The following CRTAC1 variants were observed in gnomAD, a reference collection of about 807,000 sequenced individuals.
The protein encoded by CRTAC1 is cartilage acidic protein 1, also known as acidic secreted protein in cartilage.
A neutral mutation model predicts 67.8 loss-of-function variants in CRTAC1; 37 were observed. The observed-to-expected ratio is 0.55, with a 90% CI of 0.42 to 0.72. The LOEUF is 0.72. CRTAC1 is among the 30% of genes least tolerant of loss of function. CRTAC1 has a pLI of 0.00. For synonymous variants in CRTAC1, 348 were observed against 371.0 expected (o/e 0.94, Z 0.71); for missense variants, 780 against 931.6 (o/e 0.84, Z 2.12).
At chr10:98,009,519 AG>A (rs1434181464) in intron 2 of CRTAC1, among the ~76,000 whole-genome samples, 2 of 152,240 alleles carry the variant, frequency 1.3e-5, no homozygotes, top group African/African-American at 4.8e-5. Context: ...GCAGGCCAGT[AG>A]ATTTCAATAT....
intron 2 of CRTAC1, among the ~76,000 whole-genome samples, chr10:97,969,886 T>C (rs1353933377): frequency 6.6e-6 from 1 of 152,104 alleles, no homozygotes; most frequent in Non-Finnish European, 1.5e-5. Context: ...GGGCTTTAAA[T>C]ACCATCTACC....
At chr10:97,904,920 T>C (rs2050590546) in intron 6 of CRTAC1, 106 bp from the exon 7 acceptor site, 6 of 1,332,888 alleles carry the variant, frequency 4.5e-6, no homozygotes, top group Non-Finnish European at 5.9e-6. Context: ...GTGACTCTCA[T>C]CTTGTTCCCG....
At chr10:97,994,825 G>A (rs1218235786) in intron 2 of CRTAC1, among the ~76,000 whole-genome samples, 1 of 152,216 alleles carries the variant, frequency 6.6e-6, no homozygotes, top group African/African-American at 2.4e-5. Context: ...TCCAGAGGAG[G>A]AGTATTCTTC....
Position 97,923,252 on chromosome 10 carries a change from C to T in CRTAC1, c.558+12G>A. On this transcript the variant is annotated intron_variant, in intron 4 of 14. Transcript: ENST00000370597. ...GGCTTCTCCCCAGGACCCCATGTGC[C>T]CCTGCACTCACCTTTCTGTCCACAC... 1 of 1,613,916 alleles carries T rather than the reference C, an allele frequency of 6.2e-7. No homozygotes were observed. The highest frequency in any genetic ancestry group is 8.5e-7 in the Non-Finnish European group (1 of 1,180,014).
At chr10:98,028,810 GGCTGAA>G (rs1843295260) in intron 1 of CRTAC1, among the ~76,000 whole-genome samples, 1 of 152,182 alleles carries the variant, frequency 6.6e-6, no homozygotes, top group African/African-American at 2.4e-5. Context: ...AATATCTCCA[GGCTGAA>G]GCAGGTACCC....
intron 7 of CRTAC1, among the ~76,000 whole-genome samples, chr10:97,902,845 G>T (rs986761728): frequency 4.0e-5 from 6 of 151,626 alleles, no homozygotes; most frequent in Non-Finnish European, 7.4e-5. Context: ...AGGGAAAGAG[G>T]CTGTCTCCAT....
intron 2 of CRTAC1, among the ~76,000 whole-genome samples, chr10:97,957,605 G>A (rs2051460503): frequency 1.3e-5 from 2 of 152,150 alleles, no homozygotes; most frequent in African/African-American, 2.4e-5. Flanking sequence ...CAGGCCCCAT[G>A]GGATCCTAGA....
intron 5 of CRTAC1, among the ~76,000 whole-genome samples, chr10:97,912,313 C>T (rs1393082708): frequency 6.6e-6 from 1 of 152,178 alleles, no homozygotes; most frequent in Non-Finnish European, 1.5e-5. Flanking sequence ...GTGACTGCTC[C>T]TCCCTGCCCA....
rs1259799507 is a variant in CRTAC1, at chr10:97,894,747, T to C, written c.1486+498A>G. ...ATATATATATATATATATATATATA[T>C]ATATATATATATATATATGATAGGA... On this transcript the variant is annotated intron_variant, in intron 11 of 14. Transcript: ENST00000370597. Among the ~76,000 whole-genome samples the C allele has an allele frequency of 5.5e-4, 30 of 54,552 alleles. 1 individual carries two copies. Among genetic ancestry groups the C allele is most frequent in the African/African-American group, 1.0e-3 (14 of 13,418 alleles). 35.8% of individuals were successfully genotyped at this position (54,552 alleles called of 152,430 possible).
intron 5 of CRTAC1, among the ~76,000 whole-genome samples, chr10:97,914,729 C>T (rs1259646498): frequency 6.6e-6 from 1 of 152,150 alleles, no homozygotes; most frequent in South Asian, 2.1e-4. Context: ...TTGGCCATGT[C>T]CAGAACCCAG....
intron 11 of CRTAC1, among the ~76,000 whole-genome samples, chr10:97,891,208 T>C (rs2050367240): frequency 6.6e-6 from 1 of 152,212 alleles, no homozygotes; most frequent in Admixed American, 6.5e-5. Flanking sequence ...TTCCAAACAG[T>C]GGTGAAATGA....
At chr10:97,955,911 G>A (rs2136637388) in intron 2 of CRTAC1, among the ~76,000 whole-genome samples, 1 of 152,308 alleles carries the variant, frequency 6.6e-6, no homozygotes, top group South Asian at 2.1e-4. Context: ...AGGGAGCTGT[G>A]GGGCTTTCTT....
intron 11 of CRTAC1, among the ~76,000 whole-genome samples, chr10:97,890,205 C>G (rs12248174): frequency 6.6e-6 from 1 of 152,112 alleles, no homozygotes; most frequent in African/African-American, 2.4e-5. Context: ...CAGCCTCAAA[C>G]TCCTGGCCTT....
chr10:97,903,437 G>C (rs2136568381), intron 7 of CRTAC1, among the ~76,000 whole-genome samples: 2 of 151,908 alleles, frequency 1.3e-5, no homozygotes, highest in East Asian at 3.9e-4. Context: ...AGGACGAGCT[G>C]TCCTGGGCTC....
chr10:97,895,474 G>A lies in CRTAC1; in HGVS notation c.1318-61C>T. 3 of 1,450,244 alleles carry A rather than the reference G, an allele frequency of 2.1e-6. No homozygotes were observed. Among genetic ancestry groups the A allele is most frequent in the Non-Finnish European group, 2.8e-6 (3 of 1,076,824 alleles). The allele number at this position is 1,450,244 out of a possible 1,614,324, so 89.8% of individuals were successfully genotyped here. A position where few individuals can be genotyped will look rare whatever the true frequency, so the allele number is the denominator to read the frequency against. The stretch of plus-strand genomic sequence containing the variant: ...ATCAGCATGGTGGGTGGGAAGAGCA[G>A]GGAGCCAGGGAGGACGGGAGGGGGA... On this transcript the variant is annotated intron_variant, in intron 10 of 14. Coordinates refer to ENST00000370597, the MANE Select transcript of CRTAC1 (RefSeq NM_018058.7). The surrounding 1 kb of genome is among the most constrained non-coding windows in gnomAD (Gnocchi z 4.2).
intron 2 of CRTAC1, among the ~76,000 whole-genome samples, chr10:97,942,964 CAG>C (rs1485381505): frequency 5.3e-5 from 8 of 151,606 alleles, no homozygotes; most frequent in African/African-American, 1.7e-4. Context: ...CCCAGTTACT[CAG>C]GAGGCTGAGG....
chr10:97,913,270 C>G (rs2050714839), intron 5 of CRTAC1, among the ~76,000 whole-genome samples: 1 of 152,144 alleles, frequency 6.6e-6, no homozygotes, highest in Admixed American at 6.5e-5. Flanking sequence ...TTGCCACTCC[C>G]AAGCCTTCTG....
chr10:97,934,101 C>T (rs1203684038), intron 3 of CRTAC1, among the ~76,000 whole-genome samples: 1 of 152,146 alleles, frequency 6.6e-6, no homozygotes, highest in East Asian at 1.9e-4. Context: ...ATGGTCTGTC[C>T]CCTTCCTCTG....
At chr10:97,994,568 G>A (rs1353566213) in intron 2 of CRTAC1, among the ~76,000 whole-genome samples, 1 of 152,152 alleles carries the variant, frequency 6.6e-6, no homozygotes, top group Non-Finnish European at 1.5e-5. Flanking sequence ...CAGGCCCTTG[G>A]GATTCTCTCC....
Sources: gnomAD v4.1 joint callset for allele counts (sites outside exome capture counted in the v4.1 genomes callset) on GRCh38, gnomAD v4.1.1 for gene constraint, Gnocchi (gnomAD v3.1) non-coding constraint, MANE v1.5 for transcripts, NCBI Gene and HGNC (gene_info 2026-07-23, HGNC 2026-07-21) for gene names.